TOX: variants seen among roughly 807,000 people sequenced by gnomAD.
The protein encoded by TOX is thymocyte selection associated high mobility group box.
TOX carries 11 observed loss-of-function variants against 53.7 expected under a neutral mutation model. The observed-to-expected ratio is 0.20, with a 90% confidence interval of 0.13 to 0.34. TOX has a LOEUF of 0.34. Ranked by LOEUF, TOX falls within the 10% of genes least tolerant of loss-of-function variation. TOX has a pLI of 1.00. For missense variants in TOX, 570 were observed against 664.6 expected (o/e 0.86, Z 1.56); for synonymous variants, 225 against 245.3 (o/e 0.92, Z 0.77).
chr8:58,811,437 G>A (rs186875972), intron 7 of TOX, among the ~76,000 whole-genome samples: 41 of 152,242 alleles, frequency 2.7e-4, no homozygotes, highest in East Asian at 3.9e-4. Flanking sequence ...TGCAGCCCTC[G>A]CAGTTTTGTT....
intron 3 of TOX, among the ~76,000 whole-genome samples, chr8:58,938,467 A>T (rs1018718715): frequency 2.0e-5 from 3 of 152,196 alleles, no homozygotes; most frequent in Admixed American, 6.5e-5. Flanking sequence ...GGAGGGTTTT[A>T]TGACATGGTC....
At chr8:58,984,506 A>G (rs1031437109) in intron 1 of TOX, among the ~76,000 whole-genome samples, 26 of 152,154 alleles carry the variant, frequency 1.7e-4, no homozygotes, top group African/African-American at 6.0e-4. Context: ...AAAATTGACT[A>G]AAAAGGACGG....
chr8:59,090,136 G>A (rs1804585555), intron 1 of TOX, among the ~76,000 whole-genome samples: 2 of 152,208 alleles, frequency 1.3e-5, no homozygotes, highest in African/African-American at 4.8e-5. Context: ...CCTTTTATAA[G>A]CTAATATGTA....
At chr8:58,935,299 G>A (rs1039634498) in intron 3 of TOX, among the ~76,000 whole-genome samples, 2 of 151,986 alleles carry the variant, frequency 1.3e-5, no homozygotes. Flanking sequence ...AAGAACTTAA[G>A]TATTTTTCAC....
chr8:58,855,342 T>C (rs180938013), intron 3 of TOX, among the ~76,000 whole-genome samples: 1 of 152,338 alleles, frequency 6.6e-6, no homozygotes, highest in African/African-American at 2.4e-5. Flanking sequence ...TTGGACATCA[T>C]TCTTGCTAGA....
At chr8:59,045,181 T>C (rs1217584017) in intron 1 of TOX, among the ~76,000 whole-genome samples, 1 of 152,224 alleles carries the variant, frequency 6.6e-6, no homozygotes, top group Non-Finnish European at 1.5e-5. Flanking sequence ...TTCCCATGAT[T>C]CTCCTTTCTT....
chr8:58,859,497 A>T (rs1369636320), intron 3 of TOX, among the ~76,000 whole-genome samples: 1 of 152,214 alleles, frequency 6.6e-6, no homozygotes, highest in East Asian at 1.9e-4. Flanking sequence ...ACAATAGAAT[A>T]CCTGTAGTTT....
chr8:58,853,729 T>C (rs1810864510), intron 3 of TOX, among the ~76,000 whole-genome samples: 1 of 152,236 alleles, frequency 6.6e-6, no homozygotes, highest in Non-Finnish European at 1.5e-5. Context: ...ATCTAGCCCA[T>C]TCATGTTGCC....
intron 2 of TOX, 110 bp downstream of exon 2, chr8:58,959,833 G>T (rs1333672240): frequency 5.3e-6 from 6 of 1,140,334 alleles, no homozygotes; most frequent in East Asian, 2.5e-5. Flanking sequence ...TATAAATTAT[G>T]ATTATTCCTG....
intron 1 of TOX, among the ~76,000 whole-genome samples, chr8:59,091,965 T>C (rs1253699695): frequency 6.6e-6 from 1 of 151,952 alleles, no homozygotes; most frequent in Non-Finnish European, 1.5e-5. Flanking sequence ...AAAAAGCTCT[T>C]GTGGCCGGGC....
intron 3 of TOX, among the ~76,000 whole-genome samples, chr8:58,915,430 C>G (rs1461815809): frequency 9.9e-6 from 1 of 100,910 alleles, no homozygotes; most frequent in Non-Finnish European, 2.0e-5. Context: ...AGGCACCCCC[C>G]AGCAGGGGCA....
rs149923621 is a variant in TOX at position 58,838,051 on chromosome 8, T to G, written c.924+30A>C. The G allele has an allele frequency of 3.6e-5, 58 of 1,597,952 alleles. No homozygotes were observed. The East Asian group carries it at 1.3e-3, about 36-fold the overall frequency. On this transcript the variant is annotated intron_variant, in intron 5 of 8. Coordinates refer to ENST00000361421, the MANE Select transcript of TOX (RefSeq NM_014729.3). The stretch of plus-strand genomic sequence containing the variant: ...TCAGACTGCACAATCTCAGCTTATG[T>G]AGATTCCCATTCCACTGGGAATCCC...
At chr8:59,010,802 T>C (rs950558540) in intron 1 of TOX, among the ~76,000 whole-genome samples, 8 of 152,258 alleles carry the variant, frequency 5.3e-5, no homozygotes, top group African/African-American at 1.9e-4. Context: ...ACAACTCCTA[T>C]TAAAAACAAA....
intron 1 of TOX, among the ~76,000 whole-genome samples, chr8:59,071,549 T>C (rs931629372): frequency 9.2e-5 from 14 of 152,130 alleles, no homozygotes; most frequent in African/African-American, 3.4e-4. Flanking sequence ...GAGAAACAAT[T>C]TCAGAAAGAT....
intron 1 of TOX, among the ~76,000 whole-genome samples, chr8:58,977,763 T>G (rs984362319): frequency 3.9e-5 from 6 of 152,124 alleles, no homozygotes; most frequent in African/African-American, 1.4e-4. Context: ...GTCAGTGCAG[T>G]GGTCAGAACA....
intron 1 of TOX, among the ~76,000 whole-genome samples, chr8:58,962,871 C>T (rs1271426318): frequency 9.9e-5 from 15 of 152,180 alleles, no homozygotes; most frequent in Admixed American, 9.8e-4. Context: ...TATAGGTCAA[C>T]TTGACTAGGC....
chr8:59,070,932 G>A (rs1044229510), intron 1 of TOX, among the ~76,000 whole-genome samples: 1 of 152,072 alleles, frequency 6.6e-6, no homozygotes, highest in Non-Finnish European at 1.5e-5. Flanking sequence ...ACCCCTGTAC[G>A]ATAGAGAAAT....
chr8:59,017,266 A>G (rs1026099768), intron 1 of TOX, among the ~76,000 whole-genome samples: 2 of 152,264 alleles, frequency 1.3e-5, no homozygotes, highest in East Asian at 3.8e-4. Context: ...AACATTCTAT[A>G]TGTAAATGAA....
At chr8:58,820,152 A>G (rs535431173) in intron 6 of TOX, among the ~76,000 whole-genome samples, 5 of 152,210 alleles carry the variant, frequency 3.3e-5, no homozygotes, top group African/African-American at 4.8e-5. Context: ...CTCATTCTAT[A>G]AAAAGAAACT....
Sources: gnomAD v4.1 joint callset for allele counts (sites outside exome capture counted in the v4.1 genomes callset) on GRCh38, gnomAD v4.1.1 for gene constraint, MANE v1.5 for transcripts, NCBI Gene and HGNC (gene_info 2026-07-23, HGNC 2026-07-21) for gene names.